ZFP69: variants seen among roughly 807,000 people sequenced by gnomAD.
ZFP69 encodes the protein ZFP69 zinc finger protein.
In ZFP69, 35 loss-of-function variants were observed where a neutral mutation model predicts 48.9. The observed-to-expected ratio is 0.72, with a 90% CI of 0.55 to 0.95. The LOEUF is 0.95. ZFP69 is among the 40% of genes least tolerant of loss of function. The probability of loss-of-function intolerance (pLI) is 0.00; values close to 1 mark genes in which losing one functional copy is unlikely to be tolerated. For missense variants in ZFP69, 557 were observed against 638.4 expected (o/e 0.87, Z 1.37); for synonymous variants, 193 against 216.8 (o/e 0.89, Z 0.96).
chr1:40,480,251 C>T (rs1187300147), intron 2 of ZFP69, among the ~76,000 whole-genome samples: 1 of 150,732 alleles, frequency 6.6e-6, no homozygotes. Flanking sequence ...CGACGGAAAA[C>T]TTTGTTCTGG....
chr1:40,494,771 C>A, intron 5 of ZFP69, 150 bp from the exon 6 acceptor site: 1 of 436,088 alleles, frequency 2.3e-6, no homozygotes, highest in Middle Eastern at 6.8e-4. Context: ...TTCACTGTTT[C>A]TTAATTTCCT....
In ZFP69 at chr1:40,496,099, T is replaced by C. The variant is rs777906476; in HGVS notation, c.*40T>C. 4.6e-6 allele frequency: 7 copies of C among 1,524,530 alleles called. No individual in the cohort carries two copies. Among genetic ancestry groups the C allele is most frequent in the African/African-American group, 2.8e-5 (2 of 71,940 alleles). 94.4% of individuals were successfully genotyped at this position (1,524,530 alleles called of 1,614,324 possible). A position where few individuals can be genotyped will look rare whatever the true frequency, so the allele number is the denominator to read the frequency against. On this transcript the variant is annotated 3_prime_UTR_variant, in exon 6 of 6. Transcript: ENST00000372706. ...CTTGAGAACAAAAGCCAAGTGTAAA[T>C]TGGTGATTTAGAGTGCTTTAAAATT...
chr1:40,494,015 T>TAC (rs1207066121), intron 5 of ZFP69, among the ~76,000 whole-genome samples: 1 of 151,992 alleles, frequency 6.6e-6, no homozygotes, highest in African/African-American at 2.4e-5. Flanking sequence ...TATATATATA[T>TAC]ACACACACAC....
rs1443206508 is a variant in ZFP69, at chr1:40,487,050, G to A, written c.220-2038G>A. On this transcript the variant is annotated intron_variant, in intron 3 of 5. Transcript: ENST00000372706. ...AGTGATTCTTCTGCCTCAGCCTTCCGAGTAGCTGGGACTACAGGCATGCAC... is the reference window on the plus strand; with the variant it reads ...AGTGATTCTTCTGCCTCAGCCTTCCAAGTAGCTGGGACTACAGGCATGCAC... Among the ~76,000 whole-genome samples, 7 of 151,320 alleles carry A rather than the reference G, an allele frequency of 4.6e-5. No individual in the cohort carries two copies. The Middle Eastern group carries it at 0.01, about 221-fold the overall frequency.
chr1:40,480,203 TAGAA>T (rs1292934162), intron 2 of ZFP69, among the ~76,000 whole-genome samples: 1 of 151,840 alleles, frequency 6.6e-6, no homozygotes, highest in African/African-American at 2.4e-5. Context: ...ATCAAAATAA[TAGAA>T]AGCAGCCTAA....
intron 1 of ZFP69, among the ~76,000 whole-genome samples, chr1:40,478,682 C>T (rs184612300): frequency 5.5e-4 from 84 of 152,130 alleles, no homozygotes; most frequent in Non-Finnish European, 1.1e-3. Flanking sequence ...TTGTCTCAAC[C>T]AACATTACAA....
Position 40,479,302 on chromosome 1 carries a change from C to G in ZFP69, c.-60C>G. On this transcript the variant is annotated 5_prime_UTR_variant, in exon 2 of 6. Transcript: ENST00000372706. ...AACACCCCACAACTGTGAAGCGTCT[C>G]ATCAAGAGCTTCTGGCAATTTCCTC... 6.2e-7 allele frequency: 1 copy of G among 1,607,274 alleles called. No homozygotes were observed.
At chr1:40,491,763 ATGTGTG>A (rs1553129549) in intron 5 of ZFP69, among the ~76,000 whole-genome samples, 16 of 129,398 alleles carry the variant, frequency 1.2e-4, no homozygotes, top group African/African-American at 3.1e-4. Flanking sequence ...GTGTGTGTGT[ATGTGTG>A]TGTGTGTGTG....
intron 3 of ZFP69, among the ~76,000 whole-genome samples, chr1:40,486,925 A>ATTT (rs557530908): frequency 2.2e-5 from 3 of 135,408 alleles, no homozygotes; most frequent in Admixed American, 7.4e-5. Context: ...TTTACAGTTG[A>ATTT]TTTTTTTTTT....
chr1:40,478,241 C>T (rs866952836), intron 1 of ZFP69, among the ~76,000 whole-genome samples: 150 of 152,122 alleles, frequency 9.9e-4, no homozygotes, highest in African/African-American at 3.4e-3. Flanking sequence ...CTTGGAGTGC[C>T]GTATACTTTG....
intron 3 of ZFP69, among the ~76,000 whole-genome samples, chr1:40,485,113 G>A (rs1281768318): frequency 6.6e-6 from 1 of 151,290 alleles, no homozygotes; most frequent in Non-Finnish European, 1.5e-5. Flanking sequence ...GGCTGGTCTC[G>A]AAATCCTGAC....
At chr1:40,478,122 T>TCACACACACACACACACACACACACA (rs5773698) in intron 1 of ZFP69, among the ~76,000 whole-genome samples, 1 of 147,148 alleles carries the variant, frequency 6.8e-6, no homozygotes, top group Non-Finnish European at 1.5e-5. Context: ...CTGCATATAG[T>TCACACACACACACACACACACACACA]CACACACACA....
rs748258511 is a variant in ZFP69 at position 40,489,518 on chromosome 1, T to C, written c.347-11T>C. 1.2e-6 allele frequency: 2 copies of C among 1,604,180 alleles called. No individual in the cohort carries two copies. The highest frequency in any genetic ancestry group is 1.3e-5 in the African/African-American group (1 of 74,232). ...TAAACATTCACACTGTTTTTTTTAC[T>C]ACATAAGCAGGATATCAACTTTCCA... On this transcript the variant is annotated splice_polypyrimidine_tract_variant and intron_variant, in intron 4 of 5. Transcript: ENST00000372706.
rs1645402943 is a variant in ZFP69 at position 40,477,721 on chromosome 1, T to G, written c.-500T>G. ...GCCGACCTCAACGCTGGACGCTTCT[T>G]GGAGAATGATTGCGTTGAGTGGAGA... On this transcript the variant is annotated 5_prime_UTR_variant, in exon 1 of 6. Transcript: ENST00000372706. This position sits in a 1 kb window ranked among gnomAD's most constrained non-coding sequence, Gnocchi z 4.0. The G allele has an allele frequency of 6.6e-6, 1 of 151,730 alleles. No homozygotes were observed. Among genetic ancestry groups the G allele is most frequent in the East Asian group, 2.0e-4 (1 of 5,104 alleles). 9.4% of individuals were successfully genotyped at this position (151,730 alleles called of 1,614,324 possible).
In ZFP69 at chr1:40,495,698, G is replaced by A. The variant is rs1557562230; in HGVS notation, c.1220G>A (p.Gly407Glu). The change falls in exon 6 of 6, where the codon GGG becomes GAG. Residue 407 changes from glycine to glutamate, a missense_variant. Physicochemically the swap from Gly to Glu is moderately conservative, Grantham distance 98. Transcript: ENST00000372706. ...HLSEHIRIHT[G>E]EKPYACTACC... ...AGTGAACATATAAGAATTCATACCG[G>A]GGAGAAGCCCTATGCATGCACTGCA... The A allele has an allele frequency of 3.1e-6, 5 of 1,614,172 alleles. No homozygotes were observed. In the East Asian group the frequency reaches 8.9e-5, roughly 29 times the overall value.
intron 3 of ZFP69, among the ~76,000 whole-genome samples, chr1:40,486,625 T>C (rs1226962039): frequency 6.6e-6 from 1 of 151,626 alleles, no homozygotes; most frequent in Non-Finnish European, 1.5e-5. Flanking sequence ...TCTTCCTATG[T>C]TGCCTAGGCT....
At chr1:40,494,361 C>T (rs958056865) in intron 5 of ZFP69, among the ~76,000 whole-genome samples, 5 of 141,610 alleles carry the variant, frequency 3.5e-5, no homozygotes, top group Admixed American at 7.2e-5. Flanking sequence ...CTCCGCCTCC[C>T]GGGTTCACGC....
chr1:40,486,985 C>T (rs1053864732), intron 3 of ZFP69, among the ~76,000 whole-genome samples: 2 of 146,536 alleles, frequency 1.4e-5, no homozygotes, highest in Admixed American at 6.9e-5. Flanking sequence ...AGTGCAGTGG[C>T]GAGATCTCGG....
intron 3 of ZFP69, among the ~76,000 whole-genome samples, chr1:40,484,093 AAAAT>A (rs1359694590): frequency 6.6e-6 from 1 of 152,142 alleles, no homozygotes; most frequent in Admixed American, 6.5e-5. Context: ...ATAAATAAAT[AAAAT>A]AAATAAAACA....
Sources: gnomAD v4.1 joint callset for allele counts (sites outside exome capture counted in the v4.1 genomes callset) on GRCh38, gnomAD v4.1.1 for gene constraint, Gnocchi (gnomAD v3.1) non-coding constraint, MANE v1.5 for transcripts, NCBI Gene and HGNC (gene_info 2026-07-23, HGNC 2026-07-21) for gene names.